The following CADM1 variants were observed in gnomAD, a reference collection of about 807,000 sequenced individuals.
The protein encoded by CADM1 is TSLC-1.
A neutral mutation model predicts 53.1 loss-of-function variants in CADM1; 15 were observed. The observed-to-expected ratio is 0.28, with a 90% CI of 0.19 to 0.44. The LOEUF (loss-of-function observed/expected upper bound fraction) is 0.44, where lower values mean the gene tolerates loss of function less well. CADM1 is among the 20% of genes least tolerant of loss of function. CADM1 has a pLI of 1.00. For synonymous variants in CADM1, 281 were observed against 243.0 expected (o/e 1.16, Z -1.45); for missense variants, 434 against 611.3 (o/e 0.71, Z 3.06).
chr11:115,244,758 T>G (rs1341793154), intron 1 of CADM1, among the ~76,000 whole-genome samples: 1 of 152,232 alleles, frequency 6.6e-6, no homozygotes, highest in Non-Finnish European at 1.5e-5. Flanking sequence ...GAGGGTTGTT[T>G]GCCTATGAGC....
chr11:115,412,491 G>T (rs1176594551), intron 1 of CADM1, among the ~76,000 whole-genome samples: 2 of 152,188 alleles, frequency 1.3e-5, no homozygotes, highest in African/African-American at 2.4e-5. Flanking sequence ...GAGCCACTGT[G>T]CACAGCCCCT....
chr11:115,377,023 C>T (rs995860731), intron 1 of CADM1, among the ~76,000 whole-genome samples: 17 of 152,160 alleles, frequency 1.1e-4, no homozygotes, highest in African/African-American at 4.8e-5. Context: ...AAATGTCATG[C>T]GCCATGACTA....
At chr11:115,393,389 T>A in intron 1 of CADM1, among the ~76,000 whole-genome samples, 1 of 151,626 alleles carries the variant, frequency 6.6e-6, no homozygotes, top group African/African-American at 2.4e-5. Context: ...ACCTTTAGAA[T>A]TAGAAAAAAA....
intron 8 of CADM1, among the ~76,000 whole-genome samples, chr11:115,203,715 C>T (rs1004645580): frequency 6.6e-6 from 1 of 152,144 alleles, no homozygotes; most frequent in Non-Finnish European, 1.5e-5. Context: ...ACTAGCATCA[C>T]ATTTCTCATT....
Position 115,195,141 on chromosome 11 carries a change from C to T in CADM1, c.1111+3265G>A, listed in dbSNP as rs1041786441. Among the ~76,000 whole-genome samples, 5 of 152,210 alleles carry T rather than the reference C, an allele frequency of 3.3e-5. No individual in the cohort carries two copies. In the East Asian group the frequency reaches 9.6e-4, roughly 29 times the overall value. On this transcript the variant is annotated intron_variant, in intron 9 of 11. Coordinates refer to ENST00000331581, the MANE Select transcript of CADM1 (RefSeq NM_001301043.2). Reference sequence around the variant, plus strand: ...TAGTCTAAAAATCCCATTCTTAACACTCACATTTATCTTTACTATCAGTTA... The same window carrying T: ...TAGTCTAAAAATCCCATTCTTAACATTCACATTTATCTTTACTATCAGTTA...
chr11:115,354,918 G>T (rs1420110549), intron 1 of CADM1, among the ~76,000 whole-genome samples: 1 of 151,954 alleles, frequency 6.6e-6, no homozygotes, highest in Non-Finnish European at 1.5e-5. Context: ...ATTATAGAAA[G>T]AATTTCCCTA....
intron 1 of CADM1, among the ~76,000 whole-genome samples, chr11:115,441,150 C>T (rs969740078): frequency 3.3e-5 from 5 of 151,180 alleles, no homozygotes; most frequent in African/African-American, 9.7e-5. Context: ...AAACTAATGA[C>T]GAGGGCCAAA....
In CADM1 at chr11:115,234,676, T is replaced by C. The variant is rs560937574; in HGVS notation, c.425-3186A>G. ...GGGAGGCTGAGGTGGGTGGATCACC[T>C]GGGGTCAGGAGTTTGAGACCAGCCT... is the stretch of plus-strand genomic sequence containing the variant. On this transcript the variant is annotated intron_variant, in intron 3 of 11. Transcript: ENST00000331581. 8.8e-4 allele frequency among the ~76,000 whole-genome samples: 134 copies of C among 152,192 alleles called. 1 individual carries two copies. The highest frequency in any genetic ancestry group is 3.1e-3 in the African/African-American group (127 of 41,552).
chr11:115,499,127 GC>G (rs1389455071), intron 1 of CADM1, among the ~76,000 whole-genome samples: 3 of 151,838 alleles, frequency 2.0e-5, no homozygotes, highest in Non-Finnish European at 4.4e-5. Flanking sequence ...AAAATTCTCA[GC>G]TTTTTCTTGG....
At chr11:115,219,448 A>C (rs183875958) in intron 5 of CADM1, among the ~76,000 whole-genome samples, 1 of 152,284 alleles carries the variant, frequency 6.6e-6, no homozygotes, top group African/African-American at 2.4e-5. Flanking sequence ...TGTGCACTGC[A>C]TACTGAGAAT....
At chr11:115,192,873 T>G (rs1939949968) in intron 9 of CADM1, among the ~76,000 whole-genome samples, 1 of 152,240 alleles carries the variant, frequency 6.6e-6, no homozygotes, top group Admixed American at 6.5e-5. Context: ...GGCATAAACT[T>G]TAAAATATAT....
chr11:115,364,378 T>C (rs1013582), intron 1 of CADM1, among the ~76,000 whole-genome samples: 1 of 152,066 alleles, frequency 6.6e-6, no homozygotes, highest in African/African-American at 2.4e-5. Context: ...CATTTTCCAC[T>C]CTTTTAATTT....
chr11:115,295,550 A>ATATATATATATATATT (rs371584699), intron 1 of CADM1, among the ~76,000 whole-genome samples: 1 of 53,002 alleles, frequency 1.9e-5, no homozygotes, highest in Non-Finnish European at 3.0e-5. Flanking sequence ...ATATATATAT[A>ATATATATATATATATT]ATATATATGT....
chr11:115,214,096 C>G (rs1481466910), intron 7 of CADM1, among the ~76,000 whole-genome samples: 1 of 152,146 alleles, frequency 6.6e-6, no homozygotes, highest in African/African-American at 2.4e-5. Flanking sequence ...TGTTCTGAAG[C>G]AGTAGCTACA....
chr11:115,409,031 AGGGAG>A (rs1947387773), intron 1 of CADM1, among the ~76,000 whole-genome samples: 1 of 46,688 alleles, frequency 2.1e-5, no homozygotes, highest in Non-Finnish European at 3.6e-5. Context: ...GAGGTCAAAA[AGGGAG>A]CCCAGGCAGC....
intron 1 of CADM1, among the ~76,000 whole-genome samples, chr11:115,263,108 T>A (rs962008816): frequency 1.3e-5 from 2 of 152,268 alleles, no homozygotes; most frequent in African/African-American, 2.4e-5. Flanking sequence ...GACGCGCCCC[T>A]TCATTGCATC....
rs1209839790 is a variant in CADM1 at position 115,173,869 on chromosome 11, C to A, written c.*2605G>T. 1 of 969,408 alleles carries A rather than the reference C, an allele frequency of 1.0e-6. No individual in the cohort carries two copies. Among genetic ancestry groups the A allele is most frequent in the East Asian group, 1.1e-4 (1 of 8,742 alleles). The allele number at this position is 969,408 out of a possible 1,614,324, so 60.1% of individuals were successfully genotyped here. A position where few individuals can be genotyped will look rare whatever the true frequency, so the allele number is the denominator to read the frequency against. On this transcript the variant is annotated 3_prime_UTR_variant, in exon 12 of 12. Coordinates refer to ENST00000331581, the MANE Select transcript of CADM1 (RefSeq NM_001301043.2). ...ACAAGCTTATTTGGCATCAATTATACATCCTTCATTATTTTATATTCCTTT... is the reference window on the plus strand; with the variant it reads ...ACAAGCTTATTTGGCATCAATTATAAATCCTTCATTATTTTATATTCCTTT...
At chr11:115,402,355 T>A (rs1947180042) in intron 1 of CADM1, among the ~76,000 whole-genome samples, 1 of 152,062 alleles carries the variant, frequency 6.6e-6, no homozygotes. Context: ...AAACCCTGTC[T>A]CTACTACAAA....
In CADM1 at chr11:115,413,516, T is replaced by C. The variant is rs921141075; in HGVS notation, c.124+90755A>G. Among the ~76,000 whole-genome samples the C allele has an allele frequency of 2.6e-5, 4 of 152,168 alleles. 1 individual carries two copies. Among genetic ancestry groups the C allele is most frequent in the Non-Finnish European group, 5.9e-5 (4 of 68,030 alleles). On this transcript the variant is annotated intron_variant, in intron 1 of 11. Transcript: ENST00000331581. ...AAAGAACTCTATGAGGAAGATATGA[T>C]AACTGTCTCCATTATCAACACAAGA...
Sources: allele counts gnomAD v4.1 joint callset (sites outside exome capture counted in the v4.1 genomes callset), GRCh38; gene constraint gnomAD v4.1.1; transcripts MANE v1.5; gene names NCBI Gene and HGNC (gene_info 2026-07-23, HGNC 2026-07-21).